Variants in PPFIA2 observed in about 807,000 individuals in gnomAD.
PPFIA2 encodes PPFI scaffold protein A2, also known as liprin-alpha-2.
In PPFIA2, 46 loss-of-function variants were observed where a neutral mutation model predicts 175.5. The observed-to-expected ratio is 0.26, with a 90% CI of 0.21 to 0.34. PPFIA2 has a LOEUF of 0.34. Among genes scored for constraint, PPFIA2 ranks in the 10% least tolerant of loss-of-function variants. PPFIA2 has a pLI of 1.00. For missense variants in PPFIA2, 1,179 were observed against 1,506.1 expected (o/e 0.78, Z 3.60); for synonymous variants, 568 against 511.4 (o/e 1.11, Z -1.49).
intron 7 of PPFIA2, among the ~76,000 whole-genome samples, chr12:81,420,823 A>G (rs1345175785): frequency 1.3e-5 from 2 of 152,114 alleles, no homozygotes; most frequent in African/African-American, 4.8e-5. Flanking sequence ...TGAAGCTCAA[A>G]AGTTCCCAAA....
chr12:81,287,563 G>T (rs1311301090), intron 24 of PPFIA2, among the ~76,000 whole-genome samples: 3 of 151,816 alleles, frequency 2.0e-5, no homozygotes, highest in Admixed American at 6.6e-5. Flanking sequence ...CTATAGTCTT[G>T]TAAAAAGCCG....
chr12:81,523,841 T>C (rs1014924344), intron 4 of PPFIA2, among the ~76,000 whole-genome samples: 2 of 152,198 alleles, frequency 1.3e-5, no homozygotes, highest in African/African-American at 4.8e-5. Flanking sequence ...TCTTGCTTTT[T>C]TTACATCTAC....
chr12:81,341,262 T>C (rs1014090648), intron 19 of PPFIA2, 54 bp from the exon 20 acceptor site: 12 of 1,550,248 alleles, frequency 7.7e-6, no homozygotes, highest in Admixed American at 5.3e-5. Context: ...TCAGTTGAAA[T>C]TGACACAAAT....
At chr12:81,468,221 T>TA (rs1251455579) in intron 4 of PPFIA2, among the ~76,000 whole-genome samples, 1 of 152,218 alleles carries the variant, frequency 6.6e-6, no homozygotes, top group Non-Finnish European at 1.5e-5. Flanking sequence ...CTCTTGTCCT[T>TA]AATTCTGACT....
intron 21 of PPFIA2, among the ~76,000 whole-genome samples, chr12:81,333,500 A>G (rs1202758654): frequency 1.3e-5 from 2 of 152,186 alleles, no homozygotes; most frequent in African/African-American, 4.8e-5. Flanking sequence ...GATGGATTCC[A>G]TTGCTTGGCT....
intron 3 of PPFIA2, among the ~76,000 whole-genome samples, chr12:81,702,946 T>C (rs1473981959): frequency 3.3e-5 from 5 of 152,028 alleles, no homozygotes; most frequent in Non-Finnish European, 5.9e-5. Context: ...AAGAACCAAA[T>C]CTACCAGCCT....
At chr12:81,726,234 A>T (rs1263789385) in intron 3 of PPFIA2, among the ~76,000 whole-genome samples, 1 of 151,308 alleles carries the variant, frequency 6.6e-6, no homozygotes, top group Non-Finnish European at 1.5e-5. Flanking sequence ...TACTCCAGGA[A>T]GTCCCATCCC....
At chr12:81,719,378 C>G (rs1423517352) in intron 3 of PPFIA2, among the ~76,000 whole-genome samples, 3 of 151,510 alleles carry the variant, frequency 2.0e-5, no homozygotes, top group African/African-American at 7.3e-5. Context: ...CATATCCTAG[C>G]TCTGATGTCA....
At chr12:81,665,609 G>C (rs1024617800) in intron 4 of PPFIA2, among the ~76,000 whole-genome samples, 3 of 152,030 alleles carry the variant, frequency 2.0e-5, no homozygotes, top group Admixed American at 6.6e-5. Flanking sequence ...CATTTAGAGA[G>C]GACTTGCGTT....
At chr12:81,537,302 C>T (rs963947154) in intron 4 of PPFIA2, among the ~76,000 whole-genome samples, 4 of 151,822 alleles carry the variant, frequency 2.6e-5, no homozygotes, top group African/African-American at 9.6e-5. Context: ...ACAAATCCTC[C>T]CCACTGGCAA....
chr12:81,694,495 T>C (rs1456889399), intron 3 of PPFIA2, among the ~76,000 whole-genome samples: 10 of 152,182 alleles, frequency 6.6e-5, no homozygotes, highest in Admixed American at 6.6e-5. Flanking sequence ...GTGTTAAGCC[T>C]GTAGGTGTAC....
chr12:81,568,506 C>T (rs374540786), intron 4 of PPFIA2, among the ~76,000 whole-genome samples: 23 of 152,298 alleles, frequency 1.5e-4, no homozygotes, highest in African/African-American at 5.3e-4. Context: ...TCCACCTTTA[C>T]TGCTGGGTTA....
Position 81,362,772 on chromosome 12 carries a change from C to T in PPFIA2, c.1558G>A (p.Glu520Lys). 6.5e-7 allele frequency: 1 copy of T among 1,544,152 alleles called. No homozygotes were observed. The highest frequency in any genetic ancestry group is 1.2e-5 in the South Asian group (1 of 83,656). Reference sequence around the variant, plus strand: ...TCAGATCTCAGCTTTTCAATTTCTTCTGCTAATCTTTCCTAAAAAATCAAA... The same window carrying T: ...TCAGATCTCAGCTTTTCAATTTCTTTTGCTAATCTTTCCTAAAAAATCAAA... The part of the protein sequence containing the change: ...ESLHDKERLA[E>K]EIEKLRSELD... The change falls in exon 15 of 33, where the codon GAA becomes AAA. Residue 520 changes from glutamate (E) to lysine (K), a missense_variant. By Grantham distance (56) the Glu-to-Lys change is moderately conservative (BLOSUM62 1). Coordinates refer to ENST00000549396, the MANE Select transcript of PPFIA2 (RefSeq NM_003625.5).
chr12:81,627,640 G>GA (rs2062874014), intron 4 of PPFIA2, among the ~76,000 whole-genome samples: 1 of 151,948 alleles, frequency 6.6e-6, no homozygotes, highest in Admixed American at 6.6e-5. Context: ...TTTCCAGTTT[G>GA]AAAAAAATTG....
At chr12:81,425,045 ATTC>A (rs2046904434) in intron 7 of PPFIA2, 1 of 152,208 alleles carries the variant, frequency 6.6e-6, no homozygotes, top group East Asian at 1.9e-4. Flanking sequence ...TAACTATGTA[ATTC>A]AGGTGAATTA....
chr12:81,526,160 CTT>C (rs1390661859), intron 4 of PPFIA2, among the ~76,000 whole-genome samples: 7 of 152,134 alleles, frequency 4.6e-5, no homozygotes, highest in Admixed American at 4.6e-4. Flanking sequence ...TCAGATAACT[CTT>C]TTAGCTTGAG....
chr12:81,309,411 T>C lies in PPFIA2; in HGVS notation c.2643-10029A>G, dbSNP rs74692750. On this transcript the variant is annotated intron_variant, in intron 22 of 32. Coordinates refer to ENST00000549396, the MANE Select transcript of PPFIA2 (RefSeq NM_003625.5). ...GAAATATGTTACAAATTCCAATCAG[T>C]TGCTTCAGAAGATTGATTACCTAAC... is the stretch of plus-strand genomic sequence containing the variant. Among the ~76,000 whole-genome samples, 3 of 152,240 alleles carry C rather than the reference T, an allele frequency of 2.0e-5. No individual in the cohort carries two copies. In the East Asian group the frequency reaches 5.8e-4, roughly 29 times the overall value.
At chr12:81,704,662 C>T (rs1387827132) in intron 3 of PPFIA2, among the ~76,000 whole-genome samples, 2 of 152,064 alleles carry the variant, frequency 1.3e-5, no homozygotes, top group Non-Finnish European at 2.9e-5. Flanking sequence ...CTTGCACATA[C>T]AAGGTTCATT....
At chr12:81,646,052 C>T in intron 4 of PPFIA2, among the ~76,000 whole-genome samples, 1 of 152,110 alleles carries the variant, frequency 6.6e-6, no homozygotes, top group East Asian at 1.9e-4. Context: ...GCTGCACTGG[C>T]AAAGAGACAG....
Sources: gnomAD v4.1 joint callset for allele counts (sites outside exome capture counted in the v4.1 genomes callset) on GRCh38, gnomAD v4.1.1 for gene constraint, MANE v1.5 for transcripts, NCBI Gene and HGNC (gene_info 2026-07-23, HGNC 2026-07-21) for gene names.